The following PTPN1 variants were observed in gnomAD, a reference collection of about 807,000 sequenced individuals.
The protein encoded by PTPN1 is protein tyrosine phosphatase non-receptor type 1, also known as tyrosine-protein phosphatase non-receptor type 1.
PTPN1 carries 12 observed loss-of-function variants against 59.9 expected under a neutral mutation model. That is an observed-to-expected ratio of 0.20 (90% CI 0.13 to 0.32). PTPN1 has a LOEUF of 0.32. PTPN1 is among the 10% of genes least tolerant of loss of function. The pLI, the probability that PTPN1 is intolerant of heterozygous loss-of-function variation, is 1.00. For synonymous variants in PTPN1, 178 were observed against 203.6 expected, an observed-to-expected ratio of 0.87 and a Z score of 1.07; for missense variants, 356 against 549.2, an observed-to-expected ratio of 0.65 and a Z score of 3.52.
At chr20:50,525,842 G>A (rs1361131524) in intron 1 of PTPN1, among the ~76,000 whole-genome samples, 1 of 151,958 alleles carries the variant, frequency 6.6e-6, no homozygotes, top group Non-Finnish European at 1.5e-5. Flanking sequence ...GTAGATATAT[G>A]GGGTAAAAGA....
chr20:50,527,962 A>G (rs2082584629), intron 1 of PTPN1, among the ~76,000 whole-genome samples: 1 of 152,114 alleles, frequency 6.6e-6, no homozygotes, highest in Admixed American at 6.5e-5. Context: ...TCACTCACCC[A>G]GGATGTAGCA....
Position 50,583,500 on chromosome 20 carries a change from T to C in PTPN1, c.*785T>C, listed in dbSNP as rs1244269640. The C allele has an allele frequency of 6.6e-6, 1 of 152,294 alleles. No individual in the cohort carries two copies. Among genetic ancestry groups the C allele is most frequent in the Non-Finnish European group, 1.5e-5 (1 of 68,058 alleles). 9.4% of individuals were successfully genotyped at this position (152,294 alleles called of 1,614,324 possible). A position where few individuals can be genotyped will look rare whatever the true frequency, so the allele number is the denominator to read the frequency against. On this transcript the variant is annotated 3_prime_UTR_variant, in exon 10 of 10. Transcript: ENST00000371621. ...CACTGCTCCCCCGTGTGTATTAGAA[T>C]GCATGTAAGGTCTTCTTGTGTCCTG...
chr20:50,527,527 T>A (rs562953301), intron 1 of PTPN1, among the ~76,000 whole-genome samples: 35 of 152,120 alleles, frequency 2.3e-4, no homozygotes, highest in Non-Finnish European at 4.9e-4. Context: ...GTATTTTTGG[T>A]AGAGATGGGG....
intron 4 of PTPN1, among the ~76,000 whole-genome samples, chr20:50,570,685 A>G (rs1426884814): frequency 6.6e-6 from 1 of 152,236 alleles, no homozygotes; most frequent in Non-Finnish European, 1.5e-5. Context: ...TCTGACCCTC[A>G]GCACTACTGA....
At chr20:50,547,368 A>G (rs2082680076) in intron 1 of PTPN1, among the ~76,000 whole-genome samples, 1 of 151,008 alleles carries the variant, frequency 6.6e-6, no homozygotes, top group African/African-American at 2.4e-5. Context: ...TTTTATCTGC[A>G]TTAACTTTTT....
In PTPN1 at chr20:50,524,569, C is replaced by CTTTTTTTTTTTTTT. The variant is rs764474360; in HGVS notation, c.63+13991_63+14004dup. On this transcript the variant is annotated intron_variant, in intron 1 of 9. Transcript: ENST00000371621. ...TGGCTGGTTTATCCCATTATGTGGT[C>CTTTTTTTTTTTTTT]TTTTTTTTTTTTTTTTTTTTTTTTT... is the stretch of plus-strand genomic sequence containing the variant. 2.2e-3 allele frequency among the ~76,000 whole-genome samples: 99 copies of CTTTTTTTTTTTTTT among 45,792 alleles called. 25 individuals are homozygous for CTTTTTTTTTTTTTT. Among genetic ancestry groups the CTTTTTTTTTTTTTT allele is most frequent in the African/African-American group, 3.1e-3 (27 of 8,780 alleles). The allele number at this position is 45,792 out of a possible 152,430, so 30.0% of individuals were successfully genotyped here.
intron 1 of PTPN1, among the ~76,000 whole-genome samples, chr20:50,529,887 A>G (rs978108234): frequency 1.3e-5 from 2 of 151,852 alleles, no homozygotes; most frequent in Non-Finnish European, 2.9e-5. Flanking sequence ...CATTATCATT[A>G]TTTTTGAGAC....
At chr20:50,548,863 G>A (rs1273263460) in intron 1 of PTPN1, among the ~76,000 whole-genome samples, 2 of 152,052 alleles carry the variant, frequency 1.3e-5, no homozygotes, top group Non-Finnish European at 2.9e-5. Context: ...GGTTACAGTT[G>A]CGTGCCACCA....
intron 1 of PTPN1, among the ~76,000 whole-genome samples, chr20:50,535,795 A>T (rs1321508409): frequency 6.6e-6 from 1 of 152,128 alleles, no homozygotes; most frequent in East Asian, 1.9e-4. Flanking sequence ...TCAGTACCTA[A>T]TGTTCAGTCA....
intron 1 of PTPN1, among the ~76,000 whole-genome samples, chr20:50,555,655 T>C (rs2082722947): frequency 1.3e-5 from 2 of 152,232 alleles, no homozygotes; most frequent in South Asian, 2.1e-4. Context: ...AAAAGTATTA[T>C]GTAGATACCT....
chr20:50,579,535 G>A (rs1383871455), intron 7 of PTPN1, among the ~76,000 whole-genome samples, 168 bp from the exon 8 acceptor site: 2 of 152,250 alleles, frequency 1.3e-5, no homozygotes, highest in African/African-American at 4.8e-5. Flanking sequence ...GCATTGATAG[G>A]AAGACGAGAC....
At chr20:50,558,870 TTG>T (rs937083528) in intron 1 of PTPN1, among the ~76,000 whole-genome samples, 15 of 152,216 alleles carry the variant, frequency 9.9e-5, no homozygotes, top group African/African-American at 3.1e-4. Flanking sequence ...GAAATTTCCT[TTG>T]TCTTCACTCT....
intron 1 of PTPN1, among the ~76,000 whole-genome samples, chr20:50,524,742 AATTTTTGGT>A (rs1412119380): frequency 2.6e-5 from 4 of 151,116 alleles, no homozygotes; most frequent in Non-Finnish European, 4.4e-5. Flanking sequence ...ACGCCCAGCT[AATTTTTGGT>A]ATTTTTGGTA....
At chr20:50,521,917 C>T (rs1162546533) in intron 1 of PTPN1, among the ~76,000 whole-genome samples, 2 of 152,184 alleles carry the variant, frequency 1.3e-5, no homozygotes, top group African/African-American at 2.4e-5. Context: ...CACAGTGGGT[C>T]ACACTGTCCT....
chr20:50,546,784 A>G (rs1318920149), intron 1 of PTPN1, among the ~76,000 whole-genome samples: 1 of 152,206 alleles, frequency 6.6e-6, no homozygotes, highest in East Asian at 1.9e-4. Flanking sequence ...CCCTGGGACC[A>G]TGGAGGGCAG....
intron 1 of PTPN1, among the ~76,000 whole-genome samples, chr20:50,547,513 G>A (rs1425935813): frequency 3.3e-5 from 5 of 151,930 alleles, no homozygotes; most frequent in Admixed American, 6.6e-5. Flanking sequence ...ATAGGTGTGC[G>A]CCACCACGCC....
chr20:50,578,728 C>A, intron 6 of PTPN1, 99 bp downstream of exon 6: 3 of 959,162 alleles, frequency 3.1e-6, no homozygotes, highest in Admixed American at 2.7e-5. Context: ...TTCCAAAATA[C>A]AGAGACTCAC....
At position 50,579,895 on chromosome 20, in the gene PTPN1, C is replaced by T. The variant is rs757463233; in HGVS notation, c.1057C>T (p.Pro353Ser). The stretch of plus-strand genomic sequence containing the variant: ...CCCCATCAAGGAAGAAAAAGGAAGC[C>T]CCTTAAATGCCGCACCCTACGGCAT... ...DCPIKEEKGS[P>S]LNAAPYGIES... Residue 353 changes from proline to serine, a missense_variant, in exon 8 of 10, where the codon CCC (proline) becomes TCC (serine). By Grantham distance (74) the Pro-to-Ser change is moderately conservative (BLOSUM62 -1). Around this residue, in one of 3 missense-constraint regions of PTPN1, gnomAD observed 100 missense variants for 107.7 expected, o/e 0.93. Coordinates refer to ENST00000371621, the MANE Select transcript of PTPN1 (RefSeq NM_002827.4). 3 of 1,613,830 alleles carry T rather than the reference C, an allele frequency of 1.9e-6. No homozygotes were observed. The highest frequency in any genetic ancestry group is 1.3e-5 in the African/African-American group (1 of 74,912).
Position 50,585,180 on chromosome 20 carries a change from A to AAGAC in PTPN1, c.*2469_*2472dup, listed in dbSNP as rs1203181307. ...CTTGATATAGAATTGACTTAGAAAT[A>AAGAC]AGACAGATTAGTATAGTTTTTCATT... On this transcript the variant is annotated 3_prime_UTR_variant, in exon 10 of 10. Transcript: ENST00000371621. 3 of 152,254 alleles carry AAGAC rather than the reference A, an allele frequency of 2.0e-5. No homozygotes were observed. The highest frequency in any genetic ancestry group is 2.9e-5 in the Non-Finnish European group (2 of 68,042). 9.4% of individuals were successfully genotyped at this position (152,254 alleles called of 1,614,324 possible).
Sources: allele counts gnomAD v4.1 joint callset (sites outside exome capture counted in the v4.1 genomes callset), GRCh38; gene constraint gnomAD v4.1.1; regional missense constraint gnomAD v4.1.1; transcripts MANE v1.5; gene names NCBI Gene and HGNC (gene_info 2026-07-23, HGNC 2026-07-21).